Variants in CDH4 observed in about 807,000 individuals in gnomAD.
The protein encoded by CDH4 is cadherin-4.
Under a neutral mutation model 86.0 loss-of-function variants are expected in CDH4, and 33 were observed. The observed-to-expected ratio is 0.38, with a 90% CI of 0.29 to 0.51. The LOEUF (loss-of-function observed/expected upper bound fraction) is 0.51. CDH4 is among the 20% of genes least tolerant of loss of function. The probability of loss-of-function intolerance (pLI) is 0.86; values close to 1 mark genes in which losing one functional copy is unlikely to be tolerated. For missense variants in CDH4, 1,114 were observed against 1,307.4 expected, an observed-to-expected ratio of 0.85 and a Z score of 2.28; for synonymous variants, 555 against 549.4, an observed-to-expected ratio of 1.01 and a Z score of -0.14.
intron 2 of CDH4, among the ~76,000 whole-genome samples, chr20:61,619,303 C>G (rs574688487): frequency 6.6e-6 from 1 of 152,244 alleles, no homozygotes. Flanking sequence ...GCGTGCCCCC[C>G]ACTCCTTCAC....
At chr20:61,297,724 C>A (rs2427047) in intron 2 of CDH4, among the ~76,000 whole-genome samples, 3 of 152,334 alleles carry the variant, frequency 2.0e-5, no homozygotes, top group South Asian at 4.1e-4. Context: ...GCGCACTTTC[C>A]TGCCCTCTCG....
At chr20:61,331,749 C>G (rs1230030665) in intron 2 of CDH4, among the ~76,000 whole-genome samples, 2 of 152,012 alleles carry the variant, frequency 1.3e-5, no homozygotes, top group Non-Finnish European at 2.9e-5. Context: ...GAGGCACTGT[C>G]CCCAGGTCCC....
intron 8 of CDH4, among the ~76,000 whole-genome samples, chr20:61,904,162 C>T (rs1433484989): frequency 1.3e-5 from 2 of 152,274 alleles, no homozygotes; most frequent in Middle Eastern, 3.4e-3. Flanking sequence ...CTGGCGGGAG[C>T]CGTCATCGGG....
Position 61,760,000 on chromosome 20 carries a change from C to T in CDH4, c.397-13003C>T, listed in dbSNP as rs66840902. 9.0e-3 allele frequency among the ~76,000 whole-genome samples: 1,371 copies of T among 152,342 alleles called. 20 individuals are homozygous for T. The highest frequency in any genetic ancestry group is 0.031 in the African/African-American group (1,298 of 41,572). On this transcript the variant is annotated intron_variant, in intron 3 of 15. Transcript: ENST00000614565. ...CAAGCTCGGTAGCTTGTCCGGATCT[C>T]TTTGTACCAGAACATTCTGGAACCT...
chr20:61,294,088 G>C (rs2084338494), intron 2 of CDH4, among the ~76,000 whole-genome samples: 1 of 152,172 alleles, frequency 6.6e-6, no homozygotes, highest in Non-Finnish European at 1.5e-5. Context: ...TGCTGGCCTG[G>C]CTCTGACCTT....
chr20:61,509,098 T>C (rs892379400), intron 2 of CDH4, among the ~76,000 whole-genome samples: 1 of 152,124 alleles, frequency 6.6e-6, no homozygotes, highest in Admixed American at 6.5e-5. Context: ...CCTACACCCC[T>C]GCAGATGGTA....
intron 2 of CDH4, among the ~76,000 whole-genome samples, chr20:61,643,097 T>C (rs951283153): frequency 6.6e-6 from 1 of 152,160 alleles, no homozygotes. Flanking sequence ...TGAATGTCTT[T>C]CTTTTAGTTC....
chr20:61,264,650 C>T (rs952249855), intron 2 of CDH4, among the ~76,000 whole-genome samples: 1 of 150,046 alleles, frequency 6.7e-6, no homozygotes, highest in African/African-American at 2.5e-5. Flanking sequence ...TTCAATCTTA[C>T]ACATACCTCA....
intron 2 of CDH4, among the ~76,000 whole-genome samples, chr20:61,394,045 TTCA>T (rs1482597155): frequency 6.6e-6 from 1 of 152,218 alleles, no homozygotes; most frequent in African/African-American, 2.4e-5. Flanking sequence ...ATTGTTATTA[TTCA>T]TCGAGAACTA....
At position 61,923,433 on chromosome 20, in the gene CDH4, C is replaced by T. The variant is rs2055006736; in HGVS notation, c.1375-18C>T. ...GGAGCTGTGCCAGGTCACTCCCAGC[C>T]CTGATCTGTTGTTCCAGGCAGTCGA... On this transcript the variant is annotated intron_variant, in intron 9 of 15. Transcript: ENST00000614565. The T allele has an allele frequency of 3.1e-6, 5 of 1,613,468 alleles. No homozygotes were observed. In the East Asian group the frequency reaches 8.9e-5, roughly 29 times the overall value.
At chr20:61,894,774 C>T in intron 7 of CDH4, 136 bp from the exon 8 acceptor site, 2 of 942,644 alleles carry the variant, frequency 2.1e-6, no homozygotes, top group Non-Finnish European at 3.2e-6. Context: ...GCCCTGCGCC[C>T]AGCACACAGC....
At chr20:61,677,004 G>C (rs973366704) in intron 2 of CDH4, among the ~76,000 whole-genome samples, 1 of 152,208 alleles carries the variant, frequency 6.6e-6, no homozygotes. Context: ...AGCAGACCAG[G>C]AGGGTGCTGA....
chr20:61,936,005 C>T (rs2055178590), intron 15 of CDH4, among the ~76,000 whole-genome samples: 2 of 152,238 alleles, frequency 1.3e-5, no homozygotes, highest in Admixed American at 1.3e-4. Context: ...CCCAGGGTCA[C>T]AGGAGGAGCA....
At chr20:61,655,719 G>A (rs78608541) in intron 2 of CDH4, among the ~76,000 whole-genome samples, 3,467 of 152,244 alleles carry the variant, frequency 0.023, 146 homozygotes, top group African/African-American at 0.079. Flanking sequence ...TCATTCATTC[G>A]TGGGCCAGGC....
intron 2 of CDH4, among the ~76,000 whole-genome samples, chr20:61,638,518 G>T (rs2086972422): frequency 6.6e-6 from 1 of 152,180 alleles, no homozygotes; most frequent in Non-Finnish European, 1.5e-5. Flanking sequence ...AAGTATAATG[G>T]ATGGAGGAGA....
chr20:61,799,729 T>G (rs1377561717), intron 4 of CDH4, among the ~76,000 whole-genome samples: 1 of 152,164 alleles, frequency 6.6e-6, no homozygotes, highest in Non-Finnish European at 1.5e-5. Flanking sequence ...TTCAAGCCCC[T>G]CCCAGGGTAT....
intron 2 of CDH4, among the ~76,000 whole-genome samples, chr20:61,396,745 G>A (rs538315336): frequency 3.3e-4 from 51 of 152,298 alleles, no homozygotes; most frequent in Non-Finnish European, 7.1e-4. Context: ...TTCTTCCTCC[G>A]TTCAATCAGT....
chr20:61,682,217 G>C (rs2087522743), intron 2 of CDH4, among the ~76,000 whole-genome samples: 1 of 151,756 alleles, frequency 6.6e-6, no homozygotes, highest in Non-Finnish European at 1.5e-5. Context: ...CAGATGGATA[G>C]AGAAATGGAT....
At chr20:61,274,523 T>C (rs547014444) in intron 2 of CDH4, among the ~76,000 whole-genome samples, 1 of 142,068 alleles carries the variant, frequency 7.0e-6, no homozygotes, top group South Asian at 2.3e-4. Context: ...GGAAGTACCA[T>C]GTGCAGTTTG....
Sources: gnomAD v4.1 joint callset for allele counts (sites outside exome capture counted in the v4.1 genomes callset) on GRCh38, gnomAD v4.1.1 for gene constraint, MANE v1.5 for transcripts, NCBI Gene and HGNC (gene_info 2026-07-23, HGNC 2026-07-21) for gene names.